Variants in TFCP2L1 observed in about 807,000 individuals in gnomAD.
TFCP2L1 encodes the protein transcription factor CP2 like 1.
TFCP2L1 carries 12 observed loss-of-function variants against 72.2 expected under a neutral mutation model. That is an observed-to-expected ratio of 0.17 (90% CI 0.11 to 0.27). TFCP2L1 has a LOEUF of 0.27. Ranked by LOEUF, TFCP2L1 falls within the 10% of genes least tolerant of loss-of-function variation. The pLI is 1.00. For missense variants in TFCP2L1, 488 were observed against 624.6 expected (o/e 0.78, Z 2.33); for synonymous variants, 260 against 251.0 (o/e 1.04, Z -0.34).
intron 2 of TFCP2L1, among the ~76,000 whole-genome samples, chr2:121,277,010 T>C (rs1573398775): frequency 6.7e-6 from 1 of 150,258 alleles, no homozygotes; most frequent in Non-Finnish European, 1.5e-5. Context: ...GAAAGTTAAA[T>C]GGCCTGCAAC....
chr2:121,246,416 GGAGA>G (rs1252474495), intron 6 of TFCP2L1, among the ~76,000 whole-genome samples: 1 of 152,224 alleles, frequency 6.6e-6, no homozygotes, highest in East Asian at 1.9e-4. Flanking sequence ...CCTCCAGCAG[GGAGA>G]GACTCTTGCT....
rs59300568 is a variant in TFCP2L1 at position 121,228,772 on chromosome 2, C to CAAAAA, written c.1341+3049_1341+3053dup. On this transcript the variant is annotated intron_variant, in intron 13 of 14. Coordinates refer to ENST00000263707, the MANE Select transcript of TFCP2L1 (RefSeq NM_014553.3). ...GGTTACAGAGTGAAACCGTGACTCACAAAAAAAAAAAAAAAAAAAAAAAAG... is the reference window on the plus strand; with the variant it reads ...GGTTACAGAGTGAAACCGTGACTCACAAAAAAAAAAAAAAAAAAAAAAAAAAAAAG... Among the ~76,000 whole-genome samples, 282 of 58,154 alleles carry CAAAAA rather than the reference C, an allele frequency of 4.8e-3. 16 individuals are homozygous for CAAAAA. The highest frequency in any genetic ancestry group is 5.4e-3 in the Non-Finnish European group (194 of 35,648). The allele number at this position is 58,154 out of a possible 152,430, so 38.2% of individuals were successfully genotyped here. A position where few individuals can be genotyped will look rare whatever the true frequency, so the allele number is the denominator to read the frequency against.
intron 2 of TFCP2L1, among the ~76,000 whole-genome samples, chr2:121,269,918 A>AAAAAAAAAAAAAAAAAAAT: frequency 3.0e-4 from 35 of 115,164 alleles, no homozygotes; most frequent in South Asian, 6.2e-4. Context: ...AAAAAAAAAA[A>AAAAAAAAAAAAAAAAAAAT]ATATATATAT....
At chr2:121,261,129 G>A (rs902521142) in intron 2 of TFCP2L1, among the ~76,000 whole-genome samples, 16 of 152,036 alleles carry the variant, frequency 1.1e-4, no homozygotes, top group African/African-American at 3.4e-4. Flanking sequence ...AGAAGAAGAT[G>A]GTATGCTTCA....
At chr2:121,272,836 T>C (rs531660771) in intron 2 of TFCP2L1, among the ~76,000 whole-genome samples, 6 of 152,268 alleles carry the variant, frequency 3.9e-5, no homozygotes, top group African/African-American at 1.4e-4. Flanking sequence ...AGGTAAGGAA[T>C]TGGAGGCAAA....
chr2:121,279,500 G>A (rs1030362055), intron 2 of TFCP2L1, among the ~76,000 whole-genome samples: 2 of 152,194 alleles, frequency 1.3e-5, no homozygotes, highest in African/African-American at 4.8e-5. Flanking sequence ...TGCCCTTGGG[G>A]ATAAAGCATC....
In TFCP2L1 at chr2:121,235,286, T is replaced by G; in HGVS notation, c.1029A>C (p.Arg343=). 3.1e-6 allele frequency: 5 copies of G among 1,613,732 alleles called. No homozygotes were observed. The highest frequency in any genetic ancestry group is 4.2e-6 in the Non-Finnish European group (5 of 1,179,972). Residue 343 remains arginine (R), a synonymous_variant, in exon 11 of 15, where the codon CGA becomes CGC. Transcript: ENST00000263707. ...GACCACAGATCTGGACCAAATCATC[T>G]CGGGACATCTTCAGCAAGTCAGCAC... ...FSGADLLKMS[R]DDLVQICGPA...
intron 6 of TFCP2L1, among the ~76,000 whole-genome samples, chr2:121,244,916 G>A (rs910772987): frequency 2.0e-5 from 3 of 152,198 alleles, no homozygotes; most frequent in Admixed American, 6.5e-5. Flanking sequence ...AGATCCCAGA[G>A]CAGGCAGAAA....
chr2:121,237,505 G>C (rs145111771), intron 10 of TFCP2L1, 118 bp downstream of exon 10: 1 of 1,180,962 alleles, frequency 8.5e-7, no homozygotes, highest in Admixed American at 1.9e-5. Flanking sequence ...ACACTATCTC[G>C]GGTCTCCCAG....
chr2:121,281,228 G>A lies in TFCP2L1; in HGVS notation c.106C>T (p.Leu36=). Residue 36 remains leucine, a synonymous_variant, in exon 2 of 15, where the codon CTG becomes TTG. Coordinates refer to ENST00000263707, the MANE Select transcript of TFCP2L1 (RefSeq NM_014553.3). The part of the protein sequence containing the change: ...LPIFKQEEPQ[L]SPENEARLPP... ...AGGCGGGCCTCGTTCTCGGGGGACA[G>A]CTGGGGTTCCTCCTGCTTGAAGATG... The A allele has an allele frequency of 6.2e-7, 1 of 1,611,824 alleles. No individual in the cohort carries two copies. Among genetic ancestry groups the A allele is most frequent in the Non-Finnish European group, 8.5e-7 (1 of 1,179,394 alleles).
intron 2 of TFCP2L1, among the ~76,000 whole-genome samples, chr2:121,264,046 A>T (rs748687841): frequency 2.6e-5 from 4 of 152,230 alleles, no homozygotes; most frequent in Non-Finnish European, 5.9e-5. Flanking sequence ...GGGCAGAATC[A>T]TGACTCACTC....
intron 2 of TFCP2L1, among the ~76,000 whole-genome samples, chr2:121,272,288 C>A (rs931978073): frequency 6.6e-6 from 1 of 152,158 alleles, no homozygotes; most frequent in Non-Finnish European, 1.5e-5. Flanking sequence ...AAAGTGCTTT[C>A]CAAATTTTCA....
At chr2:121,265,598 T>C (rs981761475) in intron 2 of TFCP2L1, among the ~76,000 whole-genome samples, 1 of 151,908 alleles carries the variant, frequency 6.6e-6, no homozygotes, top group Non-Finnish European at 1.5e-5. Flanking sequence ...ATTCTCCTGC[T>C]GCAGCTTCCC....
chr2:121,235,459 TCAA>T (rs1573362652), intron 10 of TFCP2L1, 148 bp from the exon 11 acceptor site: 4 of 720,378 alleles, frequency 5.6e-6, no homozygotes, highest in East Asian at 2.7e-5. Context: ...GGCAAAATGC[TCAA>T]CAACATCAAA....
rs142024602 is a variant in TFCP2L1 at position 121,270,646 on chromosome 2, T to C, written c.214+10474A>G. On this transcript the variant is annotated intron_variant, in intron 2 of 14. Coordinates refer to ENST00000263707, the MANE Select transcript of TFCP2L1 (RefSeq NM_014553.3). The stretch of plus-strand genomic sequence containing the variant: ...GTAGTGTAACCAGTAAAGATCAGAT[T>C]TTGCTTATTATATTTTTAAATGTAC... 4.4e-3 allele frequency among the ~76,000 whole-genome samples: 666 copies of C among 152,222 alleles called. 3 individuals carry two copies. Among genetic ancestry groups the C allele is most frequent in the African/African-American group, 0.016 (651 of 41,524 alleles).
At chr2:121,248,142 G>C in intron 5 of TFCP2L1, 22 bp downstream of exon 5, 1 of 1,609,398 alleles carries the variant, frequency 6.2e-7, no homozygotes, top group Non-Finnish European at 8.5e-7. Flanking sequence ...TTCCCCTGGA[G>C]GGCAAGCTCC....
chr2:121,274,587 G>T (rs1235501408), intron 2 of TFCP2L1, among the ~76,000 whole-genome samples: 1 of 152,128 alleles, frequency 6.6e-6, no homozygotes, highest in African/African-American at 2.4e-5. Flanking sequence ...AAAAATCCAA[G>T]AAAATTCAAA....
chr2:121,273,385 T>C (rs963403403), intron 2 of TFCP2L1, among the ~76,000 whole-genome samples: 4 of 152,278 alleles, frequency 2.6e-5, no homozygotes, highest in African/African-American at 9.6e-5. Context: ...ATGTCTACAA[T>C]GACCTTTGGC....
chr2:121,274,418 G>A (rs541081014), intron 2 of TFCP2L1, among the ~76,000 whole-genome samples: 3 of 152,142 alleles, frequency 2.0e-5, no homozygotes, highest in African/African-American at 7.2e-5. Context: ...CTGATGACTC[G>A]ATGTACACAA....
Sources: gnomAD v4.1 joint callset for allele counts (sites outside exome capture counted in the v4.1 genomes callset) on GRCh38, gnomAD v4.1.1 for gene constraint, MANE v1.5 for transcripts, NCBI Gene and HGNC (gene_info 2026-07-23, HGNC 2026-07-21) for gene names.